The following RABGAP1L variants were observed in gnomAD, a reference collection of about 807,000 sequenced individuals.
The protein encoded by RABGAP1L is RAB GTPase activating protein 1 like.
A neutral mutation model predicts 137.7 loss-of-function variants in RABGAP1L; 63 were observed. The ratio of observed to expected loss-of-function variants is 0.46; its 90% CI spans 0.37 to 0.56. RABGAP1L has a LOEUF of 0.56. RABGAP1L is among the 20% of genes least tolerant of loss of function. RABGAP1L has a pLI of 0.00. For missense variants in RABGAP1L, 1,095 were observed against 1,244.0 expected (o/e 0.88, Z 1.80); for synonymous variants, 431 against 433.7 (o/e 0.99, Z 0.08).
intron 13 of RABGAP1L, among the ~76,000 whole-genome samples, chr1:174,425,435 A>T (rs928577889): frequency 1.3e-5 from 2 of 152,078 alleles, no homozygotes; most frequent in Non-Finnish European, 2.9e-5. Context: ...CCAGTGAATA[A>T]GTGGACTAGA....
intron 3 of RABGAP1L, among the ~76,000 whole-genome samples, chr1:174,227,177 T>C (rs946840680): frequency 2.0e-5 from 3 of 151,708 alleles, no homozygotes; most frequent in Non-Finnish European, 4.4e-5. Flanking sequence ...TATGACCCTT[T>C]ACAGAAAAAG....
At chr1:174,468,715 TTC>T (rs76764427) in intron 13 of RABGAP1L, among the ~76,000 whole-genome samples, 7 of 150,602 alleles carry the variant, frequency 4.6e-5, no homozygotes, top group South Asian at 2.1e-4. Context: ...ATCTACCTCT[TTC>T]TCTCTCTCTC....
intron 13 of RABGAP1L, among the ~76,000 whole-genome samples, chr1:174,515,503 G>T (rs1384580639): frequency 6.6e-6 from 1 of 152,102 alleles, no homozygotes; most frequent in Non-Finnish European, 1.5e-5. Flanking sequence ...AGTTTTGGGA[G>T]ATCTTAAGTA....
chr1:174,633,649 G>A (rs1673646511), intron 13 of RABGAP1L, among the ~76,000 whole-genome samples: 1 of 115,556 alleles, frequency 8.7e-6, no homozygotes, highest in Non-Finnish European at 1.7e-5. Context: ...CAAGGCTACA[G>A]TAACCAAAAC....
At chr1:174,411,997 A>G (rs958533499) in intron 13 of RABGAP1L, among the ~76,000 whole-genome samples, 3 of 152,060 alleles carry the variant, frequency 2.0e-5, no homozygotes, top group Non-Finnish European at 4.4e-5. Flanking sequence ...ATTAAGTCCA[A>G]CTGGACAAGT....
intron 11 of RABGAP1L, among the ~76,000 whole-genome samples, chr1:174,337,344 A>G (rs145231619): frequency 1.3e-5 from 2 of 152,046 alleles, no homozygotes; most frequent in African/African-American, 4.8e-5. Flanking sequence ...GAAGAGTAGA[A>G]AGTAGAAAGG....
At chr1:174,615,128 CGTTCCTT>C (rs1671689126) in intron 13 of RABGAP1L, among the ~76,000 whole-genome samples, 1 of 152,218 alleles carries the variant, frequency 6.6e-6, no homozygotes, top group Non-Finnish European at 1.5e-5. Flanking sequence ...TGAGGAACTG[CGTTCCTT>C]TGGAGGAGAA....
At chr1:174,943,179 G>A (rs940079125) in intron 19 of RABGAP1L, among the ~76,000 whole-genome samples, 4 of 152,158 alleles carry the variant, frequency 2.6e-5, no homozygotes, top group Non-Finnish European at 4.4e-5. Context: ...TTCCAAAACT[G>A]GCTTGATGTG....
At chr1:174,395,754 T>G (rs922564570) in intron 13 of RABGAP1L, among the ~76,000 whole-genome samples, 5 of 149,422 alleles carry the variant, frequency 3.3e-5, no homozygotes, top group Non-Finnish European at 7.4e-5. Flanking sequence ...GAGGCTGAAG[T>G]GGGAGGACTG....
At position 174,218,783 on chromosome 1, in the gene RABGAP1L, T is replaced by G. The variant is rs547241305; in HGVS notation, c.-33-342T>G. Among the ~76,000 whole-genome samples, 17 of 152,288 alleles carry G rather than the reference T, an allele frequency of 1.1e-4. No individual in the cohort carries two copies. The South Asian group carries it at 3.5e-3, about 32-fold the overall frequency. On this transcript the variant is annotated intron_variant, in intron 1 of 25. Transcript: ENST00000681986. The stretch of plus-strand genomic sequence containing the variant: ...ATTTGTAGGTATTTCTAGTATCATT[T>G]AATTATTTCCTCTATTAAAAAGAAA...
intron 18 of RABGAP1L, among the ~76,000 whole-genome samples, chr1:174,805,407 A>T (rs190258496): frequency 2.0e-4 from 31 of 152,386 alleles, no homozygotes; most frequent in African/African-American, 7.0e-4. Flanking sequence ...AACATGGTTC[A>T]TATTATTTAA....
At position 174,269,563 on chromosome 1, in the gene RABGAP1L, G is replaced by T. The variant is rs554708610; in HGVS notation, c.987-2851G>T. ...GTTGCTTTGAAATTTAAATGTAACAGTATAGTAGAGCCTGGCTTAAAGTTA... is the reference window on the plus strand; with the variant it reads ...GTTGCTTTGAAATTTAAATGTAACATTATAGTAGAGCCTGGCTTAAAGTTA... On this transcript the variant is annotated intron_variant, in intron 7 of 25. Coordinates refer to ENST00000681986, the MANE Select transcript of RABGAP1L (RefSeq NM_001366446.1). Among the ~76,000 whole-genome samples, 4 of 152,224 alleles carry T rather than the reference G, an allele frequency of 2.6e-5. No individual in the cohort carries two copies. In the East Asian group the frequency reaches 7.7e-4, roughly 29 times the overall value.
intron 13 of RABGAP1L, among the ~76,000 whole-genome samples, chr1:174,611,069 A>G (rs965287916): frequency 2.7e-5 from 4 of 148,844 alleles, no homozygotes; most frequent in Admixed American, 6.6e-5. Context: ...ATTAGATCCC[A>G]TTTGTCAATT....
rs371699812 is a variant in RABGAP1L at position 174,323,486 on chromosome 1, T to G, written c.1465+18359T>G. The stretch of plus-strand genomic sequence containing the variant: ...AATGTTCCCTTTCCAGATGAGACAT[T>G]CTAGATCTTATATATTCTTAATATT... On this transcript the variant is annotated intron_variant, in intron 11 of 25. Coordinates refer to ENST00000681986, the MANE Select transcript of RABGAP1L (RefSeq NM_001366446.1). Among the ~76,000 whole-genome samples, 11 of 152,110 alleles carry G rather than the reference T, an allele frequency of 7.2e-5. No homozygotes were observed. The East Asian group carries it at 9.6e-4, about 13-fold the overall frequency.
chr1:174,863,265 A>G (rs1180169843), intron 19 of RABGAP1L, among the ~76,000 whole-genome samples: 3 of 146,362 alleles, frequency 2.0e-5, no homozygotes, highest in Non-Finnish European at 3.0e-5. Context: ...CAGTATATTT[A>G]ATGGGAACTT....
intron 4 of RABGAP1L, among the ~76,000 whole-genome samples, chr1:174,233,422 C>G (rs1213593612): frequency 1.7e-5 from 2 of 115,408 alleles, no homozygotes; most frequent in African/African-American, 3.6e-5. Flanking sequence ...CCCCTCCCCC[C>G]ACCCCACAAC....
chr1:174,862,696 C>T (rs960724237), intron 19 of RABGAP1L, among the ~76,000 whole-genome samples: 1 of 152,044 alleles, frequency 6.6e-6, no homozygotes, highest in South Asian at 2.1e-4. Flanking sequence ...TCCTGAAAAC[C>T]TGCTAATTTC....
At chr1:174,938,690 C>T (rs1289460571) in intron 19 of RABGAP1L, among the ~76,000 whole-genome samples, 1 of 152,154 alleles carries the variant, frequency 6.6e-6, no homozygotes, top group Admixed American at 6.5e-5. Flanking sequence ...AAAATTTTAA[C>T]GGCCGTGATA....
intron 13 of RABGAP1L, among the ~76,000 whole-genome samples, chr1:174,598,013 A>G (rs1420160848): frequency 6.6e-6 from 1 of 152,130 alleles, no homozygotes; most frequent in Non-Finnish European, 1.5e-5. Flanking sequence ...GTCTGAGAAG[A>G]TAATTGATAT....
Sources: allele counts gnomAD v4.1 joint callset (sites outside exome capture counted in the v4.1 genomes callset), GRCh38; gene constraint gnomAD v4.1.1; transcripts MANE v1.5; gene names NCBI Gene and HGNC (gene_info 2026-07-23, HGNC 2026-07-21).